Variants in CCND3 observed in about 807,000 individuals in gnomAD.
CCND3 encodes cyclin D3.
CCND3 carries 9 observed loss-of-function variants against 28.7 expected under a neutral mutation model. The observed-to-expected ratio is 0.31, with a 90% CI of 0.19 to 0.55. The LOEUF (loss-of-function observed/expected upper bound fraction) is 0.55. Among genes scored for constraint, CCND3 ranks in the 20% least tolerant of loss-of-function variants. The probability of loss-of-function intolerance (pLI) is 0.93; values close to 1 mark genes in which losing one functional copy is unlikely to be tolerated. For missense variants in CCND3, 315 were observed against 385.8 expected (o/e 0.82, Z 1.54); for synonymous variants, 164 against 163.9 (o/e 1.00, Z 0.00).
chr6:42,038,403 G>A (rs1256229010), intron 1 of CCND3, among the ~76,000 whole-genome samples: 1 of 152,000 alleles, frequency 6.6e-6, no homozygotes, highest in East Asian at 1.9e-4. Flanking sequence ...AACTGGGCGT[G>A]GTGGCTTGTG....
intron 1 of CCND3, among the ~76,000 whole-genome samples, chr6:41,969,987 T>G (rs1422672112): frequency 6.6e-6 from 1 of 151,922 alleles, no homozygotes. Flanking sequence ...TGGAACTGCT[T>G]AAGCCCAGGA....
rs1764602227 is a variant in CCND3 at position 42,048,161 on chromosome 6, C to T, written c.-46+340G>A. Reference sequence around the variant, plus strand: ...CTTGCCAGAGCACTCACAGACTCCCCATCCACACTGGTCTGCCCTCCTACT... The same window carrying T: ...CTTGCCAGAGCACTCACAGACTCCCTATCCACACTGGTCTGCCCTCCTACT... On this transcript the variant is annotated intron_variant, in intron 1 of 4. Transcript: ENST00000372988. This position sits in a 1 kb window ranked among gnomAD's most constrained non-coding sequence, Gnocchi z 4.7. 1 of 199,960 alleles carries T rather than the reference C, an allele frequency of 5.0e-6. No individual in the cohort carries two copies. Among genetic ancestry groups the T allele is most frequent in the Non-Finnish European group, 1.0e-5 (1 of 97,650 alleles). The allele number at this position is 199,960 out of a possible 1,614,324, so 12.4% of individuals were successfully genotyped here. A position where few individuals can be genotyped will look rare whatever the true frequency, so the allele number is the denominator to read the frequency against.
chr6:42,041,614 C>T (rs1411360928), intron 1 of CCND3, among the ~76,000 whole-genome samples: 2 of 152,260 alleles, frequency 1.3e-5, no homozygotes, highest in Non-Finnish European at 2.9e-5. Flanking sequence ...TCCTAGGGGC[C>T]GGCTGCTGGG....
intron 1 of CCND3, among the ~76,000 whole-genome samples, chr6:41,981,789 G>T (rs1458564517): frequency 6.6e-6 from 1 of 151,826 alleles, no homozygotes; most frequent in Non-Finnish European, 1.5e-5. Context: ...CTCCCAAAGT[G>T]CTGGGATTAC....
chr6:41,991,527 A>T (rs2127416460), intron 1 of CCND3, among the ~76,000 whole-genome samples: 1 of 152,350 alleles, frequency 6.6e-6, no homozygotes, highest in East Asian at 1.9e-4. Context: ...GTTTCAATAC[A>T]TATAGTGTAC....
intron 1 of CCND3, among the ~76,000 whole-genome samples, chr6:41,970,578 A>T (rs1762008252): frequency 6.6e-6 from 1 of 152,142 alleles, no homozygotes; most frequent in African/African-American, 2.4e-5. Flanking sequence ...TTATATTAAC[A>T]ACCTCACTTC....
chr6:41,985,457 G>T (rs149201034), intron 1 of CCND3, among the ~76,000 whole-genome samples: 2 of 151,886 alleles, frequency 1.3e-5, no homozygotes, highest in Non-Finnish European at 2.9e-5. Context: ...GGAATTACAG[G>T]TGTCCACCAC....
At chr6:41,992,463 GTTT>G (rs373285628) in intron 1 of CCND3, among the ~76,000 whole-genome samples, 3 of 120,442 alleles carry the variant, frequency 2.5e-5, no homozygotes, top group South Asian at 2.8e-4. Flanking sequence ...CACCCAGCCG[GTTT>G]TTTTTTTTTT....
chr6:41,936,391 C>T lies in CCND3; in HGVS notation c.711+168G>A. ...AGTGCCCTTCACCCCACCCAAGATA[C>T]TTGCTCTTCCCCAGACCAAGGCAGG... On this transcript the variant is annotated intron_variant, in intron 4 of 4. Transcript: ENST00000372991. This position sits in a 1 kb window ranked among gnomAD's most constrained non-coding sequence, Gnocchi z 4.4. The T allele has an allele frequency of 3.7e-6, 3 of 804,682 alleles. No individual in the cohort carries two copies. Among genetic ancestry groups the T allele is most frequent in the Non-Finnish European group, 2.0e-6 (1 of 512,806 alleles). 49.8% of individuals were successfully genotyped at this position (804,682 alleles called of 1,614,324 possible).
chr6:41,974,757 T>A (rs1267947266), intron 1 of CCND3, among the ~76,000 whole-genome samples: 1 of 151,964 alleles, frequency 6.6e-6, no homozygotes, highest in Admixed American at 6.6e-5. Context: ...CAATCTGGTA[T>A]TTCTCTTAAG....
intron 1 of CCND3, among the ~76,000 whole-genome samples, chr6:41,966,800 T>A (rs1413702368): frequency 1.3e-5 from 2 of 152,164 alleles, no homozygotes; most frequent in African/African-American, 4.8e-5. Flanking sequence ...GAACCCAAGC[T>A]TTTTGATTTA....
intron 1 of CCND3, among the ~76,000 whole-genome samples, chr6:41,996,139 T>TATA (rs1491589408): frequency 0.28 from 4,917 of 17,518 alleles, 117 homozygotes; most frequent in South Asian, 0.39. Context: ...TATATATATA[T>TATA]TTTTTTTGTT....
chr6:41,935,983 C>T lies in CCND3; in HGVS notation c.836G>A (p.Ser279Asn), dbSNP rs2127389348. Residue 279 changes from serine (S) to asparagine (N), a missense_variant, in exon 5 of 5, where the codon AGC becomes AAC. Coordinates refer to ENST00000372991, the MANE Select transcript of CCND3 (RefSeq NM_001760.5). ...APRGSSSQGP[S>N]QTSTPTDVTA... ...GACATCTGTAGGAGTGCTGGTCTGG[C>T]TGGGCCCTTGGCTGCTGGAGCCCCG... 1 of 1,613,342 alleles carries T rather than the reference C, an allele frequency of 6.2e-7. No individual in the cohort carries two copies. The highest frequency in any genetic ancestry group is 2.2e-5 in the East Asian group (1 of 44,880).
At chr6:42,042,537 T>C (rs745986502) in intron 1 of CCND3, among the ~76,000 whole-genome samples, 8 of 152,086 alleles carry the variant, frequency 5.3e-5, no homozygotes, top group Non-Finnish European at 8.8e-5. Context: ...ATTTTGTCTT[T>C]TTAGTAGAGA....
At chr6:42,018,066 T>C (rs891774942) in intron 1 of CCND3, among the ~76,000 whole-genome samples, 2 of 151,808 alleles carry the variant, frequency 1.3e-5, no homozygotes, top group African/African-American at 4.8e-5. Context: ...GGAGAATCCC[T>C]TGAACCTGGG....
chr6:41,945,429 A>T (rs536687882), upstream of CCND3, among the ~76,000 whole-genome samples: 16 of 152,280 alleles, frequency 1.1e-4, no homozygotes, highest in African/African-American at 2.9e-4. Context: ...CAGGAGAATC[A>T]CTTGAACCCT....
At chr6:41,999,483 C>T in intron 1 of CCND3, among the ~76,000 whole-genome samples, 1 of 152,080 alleles carries the variant, frequency 6.6e-6, no homozygotes, top group South Asian at 2.1e-4. Context: ...GGATTACAGG[C>T]ATGAGCCACC....
At chr6:42,003,703 C>G (rs1209864683) in intron 1 of CCND3, among the ~76,000 whole-genome samples, 1 of 151,702 alleles carries the variant, frequency 6.6e-6, no homozygotes, top group African/African-American at 2.4e-5. Flanking sequence ...CTTTGGGAAG[C>G]TGAGGCAGGC....
chr6:42,010,870 T>C (rs1400884135), intron 1 of CCND3: 1 of 142,440 alleles, frequency 7.0e-6, no homozygotes, highest in African/African-American at 2.5e-5. Context: ...TATAGGCAAC[T>C]ATCTTCTTCT....
Sources: gnomAD v4.1 joint callset for allele counts (sites outside exome capture counted in the v4.1 genomes callset) on GRCh38, gnomAD v4.1.1 for gene constraint, Gnocchi (gnomAD v3.1) non-coding constraint, MANE v1.5 for transcripts, NCBI Gene and HGNC (gene_info 2026-07-23, HGNC 2026-07-21) for gene names.